Variants in AMBRA1 observed in about 807,000 individuals in gnomAD.
AMBRA1 encodes activating molecule in BECN1-regulated autophagy protein 1.
Under a neutral mutation model 125.4 loss-of-function variants are expected in AMBRA1, and 47 were observed. The observed-to-expected ratio is 0.37, with a 90% CI of 0.30 to 0.48. The LOEUF (loss-of-function observed/expected upper bound fraction) is 0.48. Among genes scored for constraint, AMBRA1 ranks in the 20% least tolerant of loss-of-function variants. AMBRA1 has a pLI of 0.99. For synonymous variants in AMBRA1, 626 were observed against 655.5 expected (o/e 0.95, Z 0.69); for missense variants, 1,331 against 1,693.4 (o/e 0.79, Z 3.76).
chr11:46,423,007 G>A (rs1946925322), intron 14 of AMBRA1, among the ~76,000 whole-genome samples: 1 of 152,164 alleles, frequency 6.6e-6, no homozygotes, highest in Non-Finnish European at 1.5e-5. Context: ...ATGCCTTCTG[G>A]GTAATGATGG....
rs1210569782 is a variant in AMBRA1, at chr11:46,494,260, CA to C, written c.2340-57del. The stretch of plus-strand genomic sequence containing the variant: ...GAGTCACTAAGGAAGAATCATCCAC[CA>C]GCCCAAAAAGGAAACATCCCCAAAA... On this transcript the variant is annotated intron_variant, in intron 9 of 17. Coordinates refer to ENST00000683756, the MANE Select transcript of AMBRA1 (RefSeq NM_001387011.1). 7 of 1,453,708 alleles carry C rather than the reference CA, an allele frequency of 4.8e-6. No homozygotes were observed. The African/African-American group carries it at 8.4e-5, about 17-fold the overall frequency. The allele number at this position is 1,453,708 out of a possible 1,614,324, so 90.1% of individuals were successfully genotyped here.
chr11:46,452,319 T>G (rs1301656708), intron 11 of AMBRA1, among the ~76,000 whole-genome samples: 1 of 152,064 alleles, frequency 6.6e-6, no homozygotes, highest in East Asian at 1.9e-4. Context: ...TTAAAAACCT[T>G]TGTTATTTTA....
chr11:46,459,008 T>G, intron 11 of AMBRA1, among the ~76,000 whole-genome samples: 1 of 152,086 alleles, frequency 6.6e-6, no homozygotes, highest in Non-Finnish European at 1.5e-5. Flanking sequence ...GCAACTATAT[T>G]TTGCAAAAAG....
Position 46,591,732 on chromosome 11 carries a change from G to C in AMBRA1, c.-121+2096C>G, listed in dbSNP as rs1304138004. On this transcript the variant is annotated intron_variant, in intron 1 of 17. Coordinates refer to ENST00000683756, the MANE Select transcript of AMBRA1 (RefSeq NM_001387011.1). Reference sequence around the variant, plus strand: ...TTAGCTGGGCGTGGTGGCGACGCCTGTAATCCCAGCTACTCAGGAGGCTGA... The same window carrying C: ...TTAGCTGGGCGTGGTGGCGACGCCTCTAATCCCAGCTACTCAGGAGGCTGA... Among the ~76,000 whole-genome samples the C allele has an allele frequency of 2.0e-5, 3 of 151,804 alleles. No individual in the cohort carries two copies. In the East Asian group the frequency reaches 5.9e-4, roughly 30 times the overall value.
At chr11:46,462,393 C>T (rs1284736361) in intron 11 of AMBRA1, among the ~76,000 whole-genome samples, 1 of 152,150 alleles carries the variant, frequency 6.6e-6, no homozygotes, top group Non-Finnish European at 1.5e-5. Context: ...ATCTATCTTC[C>T]TCTTTACTCT....
At chr11:46,417,477 C>G (rs1946597301) in intron 15 of AMBRA1, among the ~76,000 whole-genome samples, 1 of 152,172 alleles carries the variant, frequency 6.6e-6, no homozygotes, top group South Asian at 2.1e-4. Flanking sequence ...AGTGGCTTAA[C>G]AAATTAGGGT....
chr11:46,516,788 G>A (rs1951509472), intron 7 of AMBRA1, among the ~76,000 whole-genome samples: 1 of 152,032 alleles, frequency 6.6e-6, no homozygotes, highest in Non-Finnish European at 1.5e-5. Flanking sequence ...AACGGGAAAT[G>A]GTAGGAGAAA....
chr11:46,499,647 G>T (rs1329126039), intron 9 of AMBRA1, among the ~76,000 whole-genome samples: 1 of 151,752 alleles, frequency 6.6e-6, no homozygotes, highest in African/African-American at 2.4e-5. Flanking sequence ...CTACTACAGG[G>T]GAAATTTTTC....
Position 46,494,169 on chromosome 11 carries a change from C to T in AMBRA1, c.2375G>A (p.Arg792His), listed in dbSNP as rs1950554720. 3.1e-6 allele frequency: 5 copies of T among 1,605,492 alleles called. No homozygotes were observed. Among genetic ancestry groups the T allele is most frequent in the East Asian group, 2.2e-5 (1 of 44,712 alleles). ...NGDRSRHRAP[R>H]NARMSAPSLG... ...CGAAGGTGCAGACATCCGGGCATTG[C>T]GTGGAGCTCGGTGCCTGGATCTGTC... Residue 792 changes from arginine (R) to histidine (H), a missense_variant, in exon 10 of 18, where the codon CGC becomes CAC. Coordinates refer to ENST00000683756, the MANE Select transcript of AMBRA1 (RefSeq NM_001387011.1).
In AMBRA1 at chr11:46,448,669, T is replaced by A. The variant is rs183422025; in HGVS notation, c.2522-5071A>T. On this transcript the variant is annotated intron_variant, in intron 11 of 17. Coordinates refer to ENST00000683756, the MANE Select transcript of AMBRA1 (RefSeq NM_001387011.1). Reference sequence around the variant, plus strand: ...GAAAAATCAATAAAACCAAAAACTTTGAAAGATCAATAAACAATAAACATC... The same window carrying A: ...GAAAAATCAATAAAACCAAAAACTTAGAAAGATCAATAAACAATAAACATC... Among the ~76,000 whole-genome samples the A allele has an allele frequency of 4.5e-4, 69 of 151,942 alleles. 1 individual carries two copies. The highest frequency in any genetic ancestry group is 1.5e-3 in the African/African-American group (64 of 41,412).
chr11:46,526,927 C>T (rs950426417), intron 7 of AMBRA1, among the ~76,000 whole-genome samples: 5 of 152,156 alleles, frequency 3.3e-5, no homozygotes, highest in Non-Finnish European at 7.4e-5. Flanking sequence ...CTCAAAGGAA[C>T]CTTGGCTACT....
chr11:46,482,365 T>C (rs1409543763), intron 11 of AMBRA1, among the ~76,000 whole-genome samples: 1 of 152,210 alleles, frequency 6.6e-6, no homozygotes. Context: ...TTCCATGTCA[T>C]TCCTTTATGT....
chr11:46,427,564 C>A (rs1311353133), intron 14 of AMBRA1, among the ~76,000 whole-genome samples: 1 of 152,154 alleles, frequency 6.6e-6, no homozygotes, highest in Non-Finnish European at 1.5e-5. Flanking sequence ...ATGGCTGGGC[C>A]TCGCCCCCAG....
chr11:46,505,693 C>T (rs1365701638), intron 9 of AMBRA1, among the ~76,000 whole-genome samples: 1 of 103,348 alleles, frequency 9.7e-6, no homozygotes, highest in Non-Finnish European at 1.9e-5. Flanking sequence ...GGAGAGCGCA[C>T]AGGTGGGCTG....
intron 7 of AMBRA1, among the ~76,000 whole-genome samples, chr11:46,530,811 C>T (rs1051062025): frequency 2.6e-5 from 4 of 152,148 alleles, no homozygotes; most frequent in Admixed American, 1.3e-4. Flanking sequence ...TTTTATGACT[C>T]GTGAAAATTA....
chr11:46,569,778 T>C (rs994742014), intron 1 of AMBRA1, among the ~76,000 whole-genome samples: 3 of 150,506 alleles, frequency 2.0e-5, no homozygotes, highest in African/African-American at 7.3e-5. Flanking sequence ...TGGCTGGTCA[T>C]GAGAGAAATC....
chr11:46,486,325 C>T (rs902675296), intron 11 of AMBRA1, among the ~76,000 whole-genome samples: 1 of 152,196 alleles, frequency 6.6e-6, no homozygotes, highest in African/African-American at 2.4e-5. Context: ...TCACTTTCAT[C>T]TAAGTAATAT....
intron 7 of AMBRA1, among the ~76,000 whole-genome samples, chr11:46,541,549 G>C (rs919653302): frequency 6.6e-6 from 1 of 152,164 alleles, no homozygotes; most frequent in Admixed American, 6.5e-5. Context: ...CTACCATGCA[G>C]GGTTCTCTTT....
At chr11:46,429,120 T>C (rs937005419) in intron 14 of AMBRA1, 5 of 1,602,568 alleles carry the variant, frequency 3.1e-6, no homozygotes, top group Middle Eastern at 2.2e-4. Flanking sequence ...AGTTCATAAA[T>C]GGCAATCCGG....
Sources: allele counts gnomAD v4.1 joint callset (sites outside exome capture counted in the v4.1 genomes callset), GRCh38; gene constraint gnomAD v4.1.1; transcripts MANE v1.5; gene names NCBI Gene and HGNC (gene_info 2026-07-23, HGNC 2026-07-21).